The following LDLRAP1 variants were observed in gnomAD, a reference collection of about 807,000 sequenced individuals.
The protein encoded by LDLRAP1 is low density lipoprotein receptor adaptor protein 1, also known as low density lipoprotein receptor adapter protein 1.
Under a neutral mutation model 37.8 loss-of-function variants are expected in LDLRAP1, and 30 were observed. That is an observed-to-expected ratio of 0.79 (90% confidence interval 0.59 to 1.08). The LOEUF is 1.08. LDLRAP1 is among the 50% of genes least tolerant of loss of function. LDLRAP1 has a pLI of 0.00. For synonymous variants in LDLRAP1, 156 were observed against 169.8 expected, an observed-to-expected ratio of 0.92 and a Z score of 0.63; for missense variants, 375 against 401.6, an observed-to-expected ratio of 0.93 and a Z score of 0.57.
chr1:25,553,813 ACCCCCATC>A, intron 1 of LDLRAP1, 101 bp from the exon 2 acceptor site: 1 of 1,232,788 alleles, frequency 8.1e-7, no homozygotes, highest in Non-Finnish European at 1.1e-6. Context: ...GGTGGGGGAG[ACCCCCATC>A]CCCCTTGCTG....
the LDLRAP1 span, among the ~76,000 whole-genome samples, chr1:25,586,581 C>CGCGCGTGTGTGTGTGTGT: frequency 6.8e-6 from 1 of 146,460 alleles, no homozygotes; most frequent in Non-Finnish European, 1.5e-5. The surrounding 1 kb of genome is among the most constrained non-coding windows in gnomAD (Gnocchi z 4.3). Flanking sequence ...TGTGCGTGTG[C>CGCGCGTGTGTGTGTGTGT]GCGCGTGTGT....
At chr1:25,588,336 A>G in the LDLRAP1 span, among the ~76,000 whole-genome samples, 3 of 152,308 alleles carry the variant, frequency 2.0e-5, no homozygotes, top group Middle Eastern at 3.4e-3. Context: ...AGACAAGAGG[A>G]AGGCATCTGT....
the LDLRAP1 span, among the ~76,000 whole-genome samples, chr1:25,587,089 C>T: frequency 5.3e-5 from 8 of 152,168 alleles, no homozygotes; most frequent in Non-Finnish European, 1.5e-5. Context: ...CTAATCCTGG[C>T]CCCTAACTAA....
At chr1:25,565,380 G>A (rs2044451569) in intron 8 of LDLRAP1, among the ~76,000 whole-genome samples, 173 bp downstream of exon 8, 2 of 152,116 alleles carry the variant, frequency 1.3e-5, no homozygotes, top group Admixed American at 6.5e-5. Context: ...AGCTCACTGG[G>A]GAGGAAACCC....
rs2124706710 is a variant in LDLRAP1, at chr1:25,568,731, T to A, written c.*1739T>A. 6.6e-6 allele frequency: 1 copy of A among 152,408 alleles called. No individual in the cohort carries two copies. Among genetic ancestry groups the A allele is most frequent in the South Asian group, 2.1e-4 (1 of 4,832 alleles). 9.4% of individuals were successfully genotyped at this position (152,408 alleles called of 1,614,324 possible). A position where few individuals can be genotyped will look rare whatever the true frequency, so the allele number is the denominator to read the frequency against. On this transcript the variant is annotated 3_prime_UTR_variant, in exon 9 of 9. Coordinates refer to ENST00000374338, the MANE Select transcript of LDLRAP1 (RefSeq NM_015627.3). Reference sequence around the variant, plus strand: ...GGGGGCCAGGGGTTCTGAGAAGCGCTGCCCTGTGAGAGCCACGCTGGCCTT... The same window carrying A: ...GGGGGCCAGGGGTTCTGAGAAGCGCAGCCCTGTGAGAGCCACGCTGGCCTT...
intron 4 of LDLRAP1, chr1:25,557,570 T>C: frequency 2.1e-6 from 1 of 466,656 alleles, no homozygotes; most frequent in East Asian, 4.1e-5. Flanking sequence ...TTGGATCTCC[T>C]GTCTTTAATA....
At chr1:25,547,573 A>G (rs72872002) in intron 1 of LDLRAP1, among the ~76,000 whole-genome samples, 32,202 of 152,104 alleles carry the variant, frequency 0.21, 8,200 homozygotes, top group African/African-American at 0.61. Flanking sequence ...CCGCTGTGGG[A>G]ACTGTGGGAG....
At chr1:25,565,493 A>G (rs1220147787) in intron 8 of LDLRAP1, among the ~76,000 whole-genome samples, 1 of 151,842 alleles carries the variant, frequency 6.6e-6, no homozygotes, top group Non-Finnish European at 1.5e-5. Context: ...AACACACTGC[A>G]GCTCAAGTTG....
chr1:25,565,112 C>A (rs2124696583), intron 7 of LDLRAP1, 61 bp from the exon 8 acceptor site: 1 of 1,585,826 alleles, frequency 6.3e-7, no homozygotes, highest in East Asian at 2.2e-5. Flanking sequence ...GGGACAAGCC[C>A]CAGCTGTGAG....
At chr1:25,578,016 T>C in the LDLRAP1 span, among the ~76,000 whole-genome samples, 1 of 152,194 alleles carries the variant, frequency 6.6e-6, no homozygotes, top group African/African-American at 2.4e-5. Flanking sequence ...AGCTCTGTCA[T>C]CAGTGAAGCG....
intron 6 of LDLRAP1, 82 bp from the exon 7 acceptor site, chr1:25,563,579 G>A (rs554791602): frequency 1.2e-5 from 19 of 1,583,392 alleles, no homozygotes; most frequent in Non-Finnish European, 8.6e-7. Context: ...AGAGGGGAGG[G>A]TCAGGGCCAG....
intron 1 of LDLRAP1, among the ~76,000 whole-genome samples, chr1:25,549,042 T>C (rs1480491476): frequency 6.6e-6 from 1 of 152,266 alleles, no homozygotes; most frequent in Non-Finnish European, 1.5e-5. Context: ...TTTCTCTTAC[T>C]GTGTAAGTAG....
intron 7 of LDLRAP1, chr1:25,564,585 G>A (rs1287336680): frequency 6.5e-6 from 1 of 154,738 alleles, no homozygotes; most frequent in African/African-American, 2.4e-5. Context: ...GGCTCCCCTG[G>A]TGTCCCTCGA....
chr1:25,577,897 C>T, the LDLRAP1 span, among the ~76,000 whole-genome samples: 2 of 152,206 alleles, frequency 1.3e-5, no homozygotes, highest in African/African-American at 2.4e-5. Flanking sequence ...CACGTCAGTG[C>T]GTGTGCACCA....
the LDLRAP1 span, chr1:25,581,866 C>G: frequency 6.6e-6 from 1 of 152,302 alleles, no homozygotes; most frequent in Non-Finnish European, 1.5e-5. Flanking sequence ...GGCTCAGGTT[C>G]AAGCATGAGG....
At chr1:25,549,476 G>T (rs2044018682) in intron 1 of LDLRAP1, among the ~76,000 whole-genome samples, 1 of 152,240 alleles carries the variant, frequency 6.6e-6, no homozygotes, top group Non-Finnish European at 1.5e-5. Context: ...GTGGTTGGGG[G>T]ACCTTAACAA....
the LDLRAP1 span, among the ~76,000 whole-genome samples, chr1:25,584,891 C>T: frequency 6.6e-5 from 10 of 152,190 alleles, no homozygotes; most frequent in African/African-American, 2.4e-4. Flanking sequence ...CCTGTTCCAC[C>T]TATAACCCCA....
rs1379456326 is a variant in LDLRAP1, at chr1:25,562,548, CA to C, written c.460-95del. On this transcript the variant is annotated intron_variant, in intron 4 of 8. Transcript: ENST00000374338. Reference sequence around the variant, plus strand: ...GCTGCAGAAGCTGCAGGGAGGGAGCCAGGGGGCCTGGCCTGGAGGCCCCAGC... The same window carrying C: ...GCTGCAGAAGCTGCAGGGAGGGAGCCGGGGGCCTGGCCTGGAGGCCCCAGC... 5.9e-6 allele frequency: 6 copies of C among 1,014,082 alleles called. No homozygotes were observed. The African/African-American group carries it at 9.5e-5, about 16-fold the overall frequency. The allele number at this position is 1,014,082 out of a possible 1,614,324, so 62.8% of individuals were successfully genotyped here.
At chr1:25,548,376 C>T (rs1335047799) in intron 1 of LDLRAP1, among the ~76,000 whole-genome samples, 1 of 115,658 alleles carries the variant, frequency 8.6e-6, no homozygotes, top group African/African-American at 3.3e-5. Flanking sequence ...AAGAGGGAGT[C>T]TCCTTCTGTT....
Sources: allele counts gnomAD v4.1 joint callset (sites outside exome capture counted in the v4.1 genomes callset), GRCh38; gene constraint gnomAD v4.1.1; non-coding constraint Gnocchi (gnomAD v3.1); transcripts MANE v1.5; gene names NCBI Gene and HGNC (gene_info 2026-07-23, HGNC 2026-07-21).